COL4A4: variants seen among roughly 807,000 people sequenced by gnomAD.
COL4A4 encodes collagen alpha-4(IV) chain.
A neutral mutation model predicts 192.9 loss-of-function variants in COL4A4; 105 were observed. That is an observed-to-expected ratio of 0.54 (90% CI 0.46 to 0.64). The LOEUF (loss-of-function observed/expected upper bound fraction) is 0.64, where lower values mean the gene tolerates loss of function less well. Ranked by LOEUF, COL4A4 falls within the 30% of genes least tolerant of loss-of-function variation. The probability of loss-of-function intolerance (pLI) is 0.00; values close to 1 mark genes in which losing one functional copy is unlikely to be tolerated. For synonymous variants in COL4A4, 762 were observed against 769.9 expected (o/e 0.99, Z 0.17); for missense variants, 1,967 against 2,169.3 (o/e 0.91, Z 1.85).
chr2:227,030,428 G>C lies in COL4A4; in HGVS notation c.3973+15C>G, dbSNP rs200576882. On this transcript the variant is annotated intron_variant, in intron 41 of 47. Coordinates refer to ENST00000396625, the MANE Select transcript of COL4A4 (RefSeq NM_000092.5). ...CAAGTTATTCACATATTACTTAACG[G>C]AACAACATTCATACCTTTCTGGCCA... 2 of 1,613,748 alleles carry C rather than the reference G, an allele frequency of 1.2e-6. No homozygotes were observed. The highest frequency in any genetic ancestry group is 2.7e-5 in the African/African-American group (2 of 74,916).
rs2060417659 is a variant in COL4A4 at position 227,099,993 on chromosome 2, A to C, written c.1030-304T>G. Among the ~76,000 whole-genome samples, 3 of 152,226 alleles carry C rather than the reference A, an allele frequency of 2.0e-5. No homozygotes were observed. In the South Asian group the frequency reaches 6.2e-4, roughly 32 times the overall value. Reference sequence around the variant, plus strand: ...CCTCTGATGTCACCAAGTTTCTTAGATATACCATGAGCATTAATGTCTAAC... The same window carrying C: ...CCTCTGATGTCACCAAGTTTCTTAGCTATACCATGAGCATTAATGTCTAAC... On this transcript the variant is annotated intron_variant, in intron 17 of 47. Coordinates refer to ENST00000396625, the MANE Select transcript of COL4A4 (RefSeq NM_000092.5).
intron 19 of COL4A4, among the ~76,000 whole-genome samples, chr2:227,097,024 G>A (rs1388807271): frequency 1.3e-5 from 2 of 152,072 alleles, no homozygotes; most frequent in Admixed American, 6.6e-5. Context: ...ACACTCCTGT[G>A]CTTAGAACAA....
At chr2:227,091,267 G>GAT (rs1553673248) in intron 20 of COL4A4, among the ~76,000 whole-genome samples, 1 of 150,030 alleles carries the variant, frequency 6.7e-6, no homozygotes, top group Non-Finnish European at 1.5e-5. Context: ...TATAGATATA[G>GAT]ATATAGATAT....
chr2:227,061,716 G>C (rs1383342972), intron 26 of COL4A4, among the ~76,000 whole-genome samples: 1 of 151,848 alleles, frequency 6.6e-6, no homozygotes, highest in Non-Finnish European at 1.5e-5. Flanking sequence ...AAACAAAGAA[G>C]AGTTAGGCAA....
chr2:227,118,798 G>A (rs576306631), intron 6 of COL4A4, 37 bp from the exon 7 acceptor site: 21 of 1,333,334 alleles, frequency 1.6e-5, no homozygotes, highest in South Asian at 2.3e-5. Context: ...GCATTTTTGC[G>A]AAAATATCAT....
Position 227,026,223 on chromosome 2 carries a change from C to T in COL4A4, c.4082-413G>A, listed in dbSNP as rs942463434. On this transcript the variant is annotated intron_variant, in intron 42 of 47. Transcript: ENST00000396625. Reference sequence around the variant, plus strand: ...GAAAAGAAACAACATATAGGCCAGGCTCAGTGGCTCACACCTGTAATCCCA... The same window carrying T: ...GAAAAGAAACAACATATAGGCCAGGTTCAGTGGCTCACACCTGTAATCCCA... Among the ~76,000 whole-genome samples, 5 of 152,194 alleles carry T rather than the reference C, an allele frequency of 3.3e-5. No homozygotes were observed. The South Asian group carries it at 8.3e-4, about 25-fold the overall frequency.
At chr2:227,102,166 T>C (rs1217131646) in intron 15 of COL4A4, among the ~76,000 whole-genome samples, 1 of 152,266 alleles carries the variant, frequency 6.6e-6, no homozygotes, top group East Asian at 1.9e-4. Flanking sequence ...TTGTTGTCGT[T>C]GCTTTTCCAA....
chr2:227,106,134 T>TC (rs2060829526), intron 12 of COL4A4, among the ~76,000 whole-genome samples: 1 of 151,714 alleles, frequency 6.6e-6, no homozygotes, highest in Non-Finnish European at 1.5e-5. Context: ...TGTTTTTTTT[T>TC]CCTTGATTTA....
At chr2:226,991,891 T>G in the COL4A4 span, among the ~76,000 whole-genome samples, 1 of 152,158 alleles carries the variant, frequency 6.6e-6, no homozygotes, top group South Asian at 2.1e-4. Flanking sequence ...AAGCATCTTG[T>G]GAAGGGTGTC....
intron 9 of COL4A4, among the ~76,000 whole-genome samples, chr2:227,110,843 T>C (rs1332848870): frequency 6.6e-6 from 1 of 151,752 alleles, no homozygotes; most frequent in Non-Finnish European, 1.5e-5. Flanking sequence ...CCACCACGCC[T>C]GGCTAATTTC....
intron 4 of COL4A4, among the ~76,000 whole-genome samples, chr2:227,125,207 T>A (rs187964908): frequency 1.5e-4 from 23 of 152,290 alleles, no homozygotes; most frequent in Admixed American, 1.5e-3. Flanking sequence ...TACTTTATTT[T>A]TTTTTTGTTT....
chr2:227,097,936 C>A (rs1405140526), intron 19 of COL4A4, among the ~76,000 whole-genome samples: 1 of 152,170 alleles, frequency 6.6e-6, no homozygotes, highest in East Asian at 1.9e-4. Context: ...TTAATCAGTT[C>A]TCCTGGGTTC....
In COL4A4 at chr2:227,059,396, C is replaced by T. The variant is rs746435134; in HGVS notation, c.2383+9G>A. The T allele has an allele frequency of 9.9e-6, 16 of 1,611,998 alleles. No homozygotes were observed. The highest frequency in any genetic ancestry group is 8.5e-6 in the Non-Finnish European group (10 of 1,178,124). The stretch of plus-strand genomic sequence containing the variant: ...TCTATGCACCAAAAGGACAGCAAAG[C>T]CCTCATACCTTCAGCCCCTGGACAT... On this transcript the variant is annotated intron_variant, in intron 28 of 47. Transcript: ENST00000396625.
At chr2:227,121,382 G>T (rs1239676315) in intron 4 of COL4A4, among the ~76,000 whole-genome samples, 6 of 151,936 alleles carry the variant, frequency 3.9e-5, no homozygotes, top group African/African-American at 1.5e-4. Context: ...GGGCAACAAA[G>T]TGAGACCCCC....
At chr2:227,118,201 A>G (rs1197330314) in intron 7 of COL4A4, among the ~76,000 whole-genome samples, 2 of 152,134 alleles carry the variant, frequency 1.3e-5, no homozygotes, top group African/African-American at 4.8e-5. Context: ...AACTATTATA[A>G]TAAGTGCCAG....
chr2:226,972,081 C>A, the COL4A4 span, among the ~76,000 whole-genome samples: 1 of 152,016 alleles, frequency 6.6e-6, no homozygotes, highest in African/African-American at 2.4e-5. Flanking sequence ...ATCCCCTTGC[C>A]CCCTAACTCC....
intron 33 of COL4A4, 30 bp downstream of exon 33, chr2:227,050,947 C>G: frequency 6.2e-7 from 1 of 1,613,914 alleles, no homozygotes; most frequent in Non-Finnish European, 8.5e-7. Context: ...GTTTTATTGT[C>G]TCTTCCCCCA....
At position 227,032,369 on chromosome 2, in the gene COL4A4, G is replaced by A. The variant is rs1333474726; in HGVS notation, c.3578-93C>T. Reference sequence around the variant, plus strand: ...GGAACCACTTCCCAATAGCGGCAGAGGAGTGGCTGGTTCTGCAGACACCAA... The same window carrying A: ...GGAACCACTTCCCAATAGCGGCAGAAGAGTGGCTGGTTCTGCAGACACCAA... On this transcript the variant is annotated intron_variant, in intron 38 of 47. Coordinates refer to ENST00000396625, the MANE Select transcript of COL4A4 (RefSeq NM_000092.5). 35 of 1,441,538 alleles carry A rather than the reference G, an allele frequency of 2.4e-5. 1 individual carries two copies. The highest frequency in any genetic ancestry group is 3.1e-5 in the Non-Finnish European group (33 of 1,054,408). 89.3% of individuals were successfully genotyped at this position (1,441,538 alleles called of 1,614,324 possible). A position where few individuals can be genotyped will look rare whatever the true frequency, so the allele number is the denominator to read the frequency against.
Position 227,032,136 on chromosome 2 carries a change from G to A in COL4A4, c.3706+12C>T. On this transcript the variant is annotated intron_variant, in intron 39 of 47. Transcript: ENST00000396625. ...AGTTATTGAAAGAAGGGCAAAGCATGCTACAGCTTACCTGGGGGTCCTGGG... is the reference window on the plus strand; with the variant it reads ...AGTTATTGAAAGAAGGGCAAAGCATACTACAGCTTACCTGGGGGTCCTGGG... 1 of 1,614,208 alleles carries A rather than the reference G, an allele frequency of 6.2e-7. No individual in the cohort carries two copies. Among genetic ancestry groups the A allele is most frequent in the Non-Finnish European group, 8.5e-7 (1 of 1,180,034 alleles).
Sources: allele counts gnomAD v4.1 joint callset (sites outside exome capture counted in the v4.1 genomes callset), GRCh38; gene constraint gnomAD v4.1.1; transcripts MANE v1.5; gene names NCBI Gene and HGNC (gene_info 2026-07-23, HGNC 2026-07-21).